Variants in SNX29 observed in about 807,000 individuals in gnomAD.
SNX29 encodes the protein sorting nexin-29.
In SNX29, 78 loss-of-function variants were observed where a neutral mutation model predicts 102.1. The ratio of observed to expected loss-of-function variants is 0.76; its 90% CI spans 0.64 to 0.92. The LOEUF is 0.92. Ranked by LOEUF, SNX29 falls within the 40% of genes least tolerant of loss-of-function variation. The pLI, the probability that SNX29 is intolerant of heterozygous loss-of-function variation, is 0.00. For synonymous variants in SNX29, 580 were observed against 414.5 expected, an observed-to-expected ratio of 1.40 and a Z score of -4.85; for missense variants, 1,280 against 1,061.7, an observed-to-expected ratio of 1.21 and a Z score of -2.86.
chr16:12,365,325 T>TG (rs1305162191), intron 16 of SNX29, among the ~76,000 whole-genome samples: 22 of 119,590 alleles, frequency 1.8e-4, no homozygotes, highest in African/African-American at 6.8e-4. Context: ...TACATCAGGA[T>TG]TTGTGTGTGT....
chr16:12,492,745 A>T (rs1268271420), intron 19 of SNX29, among the ~76,000 whole-genome samples: 6 of 152,230 alleles, frequency 3.9e-5, no homozygotes, highest in East Asian at 3.8e-4. Context: ...AGCTTTCTAC[A>T]TATGGCTAGC....
At chr16:12,548,976 G>T (rs1753109531) in intron 20 of SNX29, among the ~76,000 whole-genome samples, 1 of 152,184 alleles carries the variant, frequency 6.6e-6, no homozygotes, top group Non-Finnish European at 1.5e-5. Flanking sequence ...CACAAGTGAG[G>T]CCCCTGCTCT....
chr16:12,097,448 C>A (rs775676853), intron 11 of SNX29, among the ~76,000 whole-genome samples: 1 of 152,224 alleles, frequency 6.6e-6, no homozygotes, highest in Non-Finnish European at 1.5e-5. Flanking sequence ...CCTGCCTCAC[C>A]AGGCTCTCAC....
At chr16:12,308,098 C>T (rs933213851) in intron 15 of SNX29, among the ~76,000 whole-genome samples, 7 of 152,256 alleles carry the variant, frequency 4.6e-5, no homozygotes, top group African/African-American at 1.2e-4. Flanking sequence ...CAGTAGCCTA[C>T]AGCCTGCGAG....
At chr16:12,256,192 C>T (rs1310800512) in intron 14 of SNX29, among the ~76,000 whole-genome samples, 1 of 152,206 alleles carries the variant, frequency 6.6e-6, no homozygotes, top group Non-Finnish European at 1.5e-5. Flanking sequence ...TGTCTATTTG[C>T]ATCCTGTGTC....
chr16:12,371,159 C>A (rs1405490260), intron 16 of SNX29, among the ~76,000 whole-genome samples: 2 of 152,214 alleles, frequency 1.3e-5, no homozygotes, highest in African/African-American at 4.8e-5. Flanking sequence ...ACTGATGTTG[C>A]CAGCCAGGCG....
At chr16:12,455,934 C>G (rs748291634) in intron 18 of SNX29, among the ~76,000 whole-genome samples, 4 of 152,182 alleles carry the variant, frequency 2.6e-5, no homozygotes, top group Non-Finnish European at 4.4e-5. Flanking sequence ...TCTCCAGGAA[C>G]TGAGGGCTCC....
intron 18 of SNX29, among the ~76,000 whole-genome samples, chr16:12,458,334 G>C (rs977784990): frequency 1.4e-4 from 21 of 152,096 alleles, no homozygotes; most frequent in Admixed American, 5.2e-4. Context: ...CATAACACTG[G>C]GACAGGGAGG....
chr16:12,335,149 G>A (rs558472269), intron 15 of SNX29, among the ~76,000 whole-genome samples: 10 of 152,106 alleles, frequency 6.6e-5, no homozygotes, highest in Admixed American at 2.0e-4. Flanking sequence ...GGACAGAGGG[G>A]CTGCAATCTC....
intron 14 of SNX29, among the ~76,000 whole-genome samples, chr16:12,271,109 G>T (rs956204811): frequency 2.0e-5 from 3 of 152,188 alleles, no homozygotes; most frequent in Non-Finnish European, 4.4e-5. Flanking sequence ...CTCTACGTTG[G>T]TTAACTATTG....
chr16:12,462,720 G>GT (rs1337500047), intron 18 of SNX29, among the ~76,000 whole-genome samples: 9 of 152,160 alleles, frequency 5.9e-5, no homozygotes, highest in Non-Finnish European at 1.0e-4. Context: ...CCAAACCCAG[G>GT]AAGACTTGGC....
chr16:12,402,356 T>G (rs2083979786), intron 17 of SNX29, among the ~76,000 whole-genome samples: 1 of 152,216 alleles, frequency 6.6e-6, no homozygotes, highest in South Asian at 2.1e-4. Flanking sequence ...TGTCTCAAAT[T>G]GTGTTCCAAG....
At chr16:11,986,545 G>A (rs2055635384) in intron 1 of SNX29, among the ~76,000 whole-genome samples, 1 of 152,110 alleles carries the variant, frequency 6.6e-6, no homozygotes, top group Non-Finnish European at 1.5e-5. Context: ...TAATTGCATT[G>A]TATCTCCGTT....
chr16:12,428,237 A>C (rs996999539), intron 18 of SNX29, among the ~76,000 whole-genome samples: 4 of 152,210 alleles, frequency 2.6e-5, no homozygotes, highest in African/African-American at 7.2e-5. Context: ...TTGGACTGCA[A>C]ATAAGTTTAG....
At chr16:12,153,538 A>G (rs2055394534) in intron 13 of SNX29, among the ~76,000 whole-genome samples, 1 of 151,060 alleles carries the variant, frequency 6.6e-6, no homozygotes, top group Non-Finnish European at 1.5e-5. Context: ...CAGTGGCATG[A>G]CCTCACCTCA....
chr16:12,116,084 C>T lies in SNX29; in HGVS notation c.1403-10549C>T, dbSNP rs147767430. ...TCTGCCATACTAATTTCCAAACTCT[C>T]CTGTAAGTGCAATATAGTGATTTTG... On this transcript the variant is annotated intron_variant, in intron 11 of 20. Coordinates refer to ENST00000566228, the MANE Select transcript of SNX29 (RefSeq NM_032167.5). Among the ~76,000 whole-genome samples, 17 of 152,316 alleles carry T rather than the reference C, an allele frequency of 1.1e-4. No homozygotes were observed. In the East Asian group the frequency reaches 2.5e-3, roughly 22 times the overall value.
At chr16:12,011,280 AT>A (rs988446506) in intron 3 of SNX29, among the ~76,000 whole-genome samples, 197 of 126,026 alleles carry the variant, frequency 1.6e-3, no homozygotes, top group Admixed American at 2.6e-3. Flanking sequence ...TTTATATCTG[AT>A]TTTTTTTTTT....
chr16:11,999,653 G>C (rs1262142161), intron 2 of SNX29, among the ~76,000 whole-genome samples: 1 of 152,166 alleles, frequency 6.6e-6, no homozygotes, highest in Non-Finnish European at 1.5e-5. Context: ...TGTAATCCTA[G>C]CACTTTGGGA....
chr16:12,158,159 G>T (rs995717319), intron 13 of SNX29, among the ~76,000 whole-genome samples: 3 of 151,664 alleles, frequency 2.0e-5, no homozygotes, highest in Non-Finnish European at 4.4e-5. Context: ...GCTCACTGCA[G>T]CCTCTACCTC....
Sources: gnomAD v4.1 joint callset for allele counts (sites outside exome capture counted in the v4.1 genomes callset) on GRCh38, gnomAD v4.1.1 for gene constraint, MANE v1.5 for transcripts, NCBI Gene and HGNC (gene_info 2026-07-23, HGNC 2026-07-21) for gene names.